SETD2: variants seen among roughly 807,000 people sequenced by gnomAD.
SETD2 encodes SET domain containing 2, histone lysine methyltransferase.
In SETD2, 31 loss-of-function variants were observed where a neutral mutation model predicts 242.1. The observed-to-expected ratio is 0.13, with a 90% CI of 0.10 to 0.17. The LOEUF (loss-of-function observed/expected upper bound fraction) is 0.17, where lower values mean the gene tolerates loss of function less well. SETD2 is among the 10% of genes least tolerant of loss of function. The pLI is 1.00. For missense variants in SETD2, 2,481 were observed against 3,046.3 expected (o/e 0.81, Z 4.37); for synonymous variants, 1,006 against 1,066.5 (o/e 0.94, Z 1.11).
chr3:47,026,865 T>C (rs1374193314), intron 18 of SETD2, among the ~76,000 whole-genome samples: 1 of 151,954 alleles, frequency 6.6e-6, no homozygotes, highest in African/African-American at 2.4e-5. Context: ...AGGTGATGGG[T>C]TGATGGGTGC....
intron 13 of SETD2, among the ~76,000 whole-genome samples, chr3:47,062,823 GT>G (rs1203545525): frequency 1.3e-5 from 2 of 151,994 alleles, no homozygotes; most frequent in African/African-American, 4.8e-5. Context: ...GGTGGCTGTA[GT>G]CCCAGCTACT....
intron 12 of SETD2, among the ~76,000 whole-genome samples, chr3:47,073,458 G>A (rs114492355): frequency 0.01 from 1,591 of 152,230 alleles, 35 homozygotes; most frequent in African/African-American, 0.036. Flanking sequence ...GCGCAAGTAG[G>A]TCAAAGAGAT....
intron 3 of SETD2, among the ~76,000 whole-genome samples, chr3:47,117,261 C>CAAAAAAA (rs5848820): frequency 9.0e-5 from 6 of 66,502 alleles, no homozygotes; most frequent in South Asian, 4.1e-4. Flanking sequence ...CCTGCATTAC[C>CAAAAAAA]AAAAAAAAAA....
chr3:47,156,000 G>C (rs1238884580), intron 1 of SETD2, among the ~76,000 whole-genome samples: 1 of 152,090 alleles, frequency 6.6e-6, no homozygotes, highest in African/African-American at 2.4e-5. Context: ...AGAATTAACA[G>C]AAATGAAGCT....
In SETD2 at chr3:47,122,365, T is replaced by C; in HGVS notation, c.2271A>G (p.Gln757=). 5 of 1,614,146 alleles carry C rather than the reference T, an allele frequency of 3.1e-6. No homozygotes were observed. The highest frequency in any genetic ancestry group is 4.2e-6 in the Non-Finnish European group (5 of 1,179,960). ...TAACTGGCATAGACATGAGTTTATC[T>C]TGGTGTGGTGACACCAGAGGTTCTG... ...RETEPLVSPH[Q]DKLMSMPVMT... is the part of the protein sequence containing the mutation. Residue 757 remains glutamine, a synonymous_variant, in exon 3 of 21, where the codon CAA becomes CAG. Transcript: ENST00000409792.
intron 16 of SETD2, 135 bp downstream of exon 16, chr3:47,046,348 AAAAT>A (rs2039528278): frequency 9.7e-5 from 69 of 709,032 alleles, no homozygotes; most frequent in South Asian, 5.9e-4. Context: ...AAAAAAAAAT[AAAAT>A]AAAATAAAAT....
rs772135964 is a variant in SETD2 at position 47,017,703 on chromosome 3, G to A, written c.7468C>T (p.Arg2490Trp). 3.1e-6 allele frequency: 5 copies of A among 1,613,960 alleles called. No homozygotes were observed. The highest frequency in any genetic ancestry group is 4.5e-5 in the East Asian group (2 of 44,890). The change falls in exon 20 of 21, where the codon CGG (arginine) becomes TGG (tryptophan). Residue 2490 changes from arginine (R) to tryptophan (W), a missense_variant. Physicochemically the swap from Arg to Trp is moderately radical, Grantham distance 101. This residue lies in a region of SETD2 where 40 missense variants were observed against 89.5 expected (regional missense o/e 0.45). Coordinates refer to ENST00000409792, the MANE Select transcript of SETD2 (RefSeq NM_014159.7). The surrounding 1 kb of genome is among the most constrained non-coding windows in gnomAD (Gnocchi z 4.8). ...QFIVQCLNPY[R>W]KPDCKVGRIT... Reference sequence around the variant, plus strand: ...CTTCCCACTTTGCAGTCAGGTTTCCGGTAAGGGTTCAGGCACTGGACGATG... The same window carrying A: ...CTTCCCACTTTGCAGTCAGGTTTCCAGTAAGGGTTCAGGCACTGGACGATG...
At chr3:47,096,581 AAAAAAAAAAAAAAAAG>A (rs1326744973) in intron 9 of SETD2, among the ~76,000 whole-genome samples, 4 of 79,394 alleles carry the variant, frequency 5.0e-5, no homozygotes, top group Non-Finnish European at 2.8e-5. Flanking sequence ...CAAAAAAAAA[AAAAAAAAAAAAAAAAG>A]GGGGGCTGGG....
rs1157394735 is a variant in SETD2, at chr3:47,121,228, T to C, written c.3408A>G (p.Gly1136=). The part of the protein sequence containing the change: ...PQTDKFFLHK[G]TEKNPEISFT... ...AAGAAATTTCCGGATTCTTCTCTGT[T>C]CCTTTATGAAGGAAAAACTTATCAG... Residue 1136 remains glycine (G), a synonymous_variant, in exon 3 of 21, where the codon GGA becomes GGG. Coordinates refer to ENST00000409792, the MANE Select transcript of SETD2 (RefSeq NM_014159.7). 6.2e-7 allele frequency: 1 copy of C among 1,614,202 alleles called. No individual in the cohort carries two copies. The highest frequency in any genetic ancestry group is 1.7e-5 in the Admixed American group (1 of 60,018).
At chr3:47,117,261 C>CAAAAAAAAAAAAAA (rs5848820) in intron 3 of SETD2, among the ~76,000 whole-genome samples, 1 of 66,502 alleles carries the variant, frequency 1.5e-5, no homozygotes, top group Non-Finnish European at 3.0e-5. Flanking sequence ...CCTGCATTAC[C>CAAAAAAAAAAAAAA]AAAAAAAAAA....
intron 1 of SETD2, among the ~76,000 whole-genome samples, chr3:47,142,008 G>A (rs1348334789): frequency 1.3e-5 from 2 of 152,118 alleles, no homozygotes; most frequent in Non-Finnish European, 2.9e-5. Flanking sequence ...AAAGCCAAAT[G>A]ATAATATAGG....
chr3:47,049,125 G>T (rs1386472272), intron 15 of SETD2, among the ~76,000 whole-genome samples: 2 of 151,352 alleles, frequency 1.3e-5, no homozygotes, highest in Non-Finnish European at 2.9e-5. Flanking sequence ...AAACAAATTT[G>T]TAGAGACAGG....
intron 1 of SETD2, among the ~76,000 whole-genome samples, chr3:47,134,699 G>A (rs1229536193): frequency 6.6e-6 from 1 of 151,580 alleles, no homozygotes; most frequent in East Asian, 1.9e-4. Context: ...GCACGATCTT[G>A]GCTCACTGCA....
intron 7 of SETD2, 113 bp from the exon 8 acceptor site, chr3:47,101,668 T>C (rs1256353382): frequency 5.0e-6 from 3 of 603,550 alleles, no homozygotes; most frequent in South Asian, 2.5e-5. Flanking sequence ...TCTGCCTTAA[T>C]TATGCAAGTG....
At chr3:47,021,475 CG>C (rs1178995150) in intron 18 of SETD2, among the ~76,000 whole-genome samples, 1 of 151,946 alleles carries the variant, frequency 6.6e-6, no homozygotes, top group Admixed American at 6.6e-5. Flanking sequence ...ATGAGGTTGG[CG>C]GGGGATTGGT....
chr3:47,115,062 A>G (rs577012980), intron 4 of SETD2, among the ~76,000 whole-genome samples: 9 of 152,276 alleles, frequency 5.9e-5, no homozygotes, highest in African/African-American at 1.9e-4. Context: ...CAGAATCTCT[A>G]ATGATACATA....
intron 15 of SETD2, among the ~76,000 whole-genome samples, chr3:47,055,567 T>G (rs976830320): frequency 2.0e-5 from 3 of 151,890 alleles, no homozygotes; most frequent in African/African-American, 7.3e-5. Flanking sequence ...GGTACAGTGA[T>G]GCACACCTGT....
rs2042290340 is a variant in SETD2 at position 47,103,433 on chromosome 3, G to A, written c.4840-10C>T. On this transcript the variant is annotated splice_polypyrimidine_tract_variant and intron_variant, in intron 6 of 20. Transcript: ENST00000409792. ...GAGTGGCATCTATTATCTGGGAGAA[G>A]AGGATCATTTAAGAATTAAAAAATA... 6.3e-7 allele frequency: 1 copy of A among 1,583,818 alleles called. No homozygotes were observed. Among genetic ancestry groups the A allele is most frequent in the South Asian group, 1.1e-5 (1 of 90,444 alleles).
chr3:47,091,012 G>C (rs1005352022), intron 9 of SETD2, among the ~76,000 whole-genome samples: 3 of 152,154 alleles, frequency 2.0e-5, no homozygotes, highest in African/African-American at 7.2e-5. Flanking sequence ...CTGCCTGAGA[G>C]AGGTTGTAGA....
Sources: allele counts gnomAD v4.1 joint callset (sites outside exome capture counted in the v4.1 genomes callset), GRCh38; gene constraint gnomAD v4.1.1; regional missense constraint gnomAD v4.1.1; non-coding constraint Gnocchi (gnomAD v3.1); transcripts MANE v1.5; gene names NCBI Gene and HGNC (gene_info 2026-07-23, HGNC 2026-07-21).